The following ANKRD18A variants were observed in gnomAD, a reference collection of about 807,000 sequenced individuals.
The protein encoded by ANKRD18A is ankyrin repeat domain-containing protein 18A.
A neutral mutation model predicts 110.6 loss-of-function variants in ANKRD18A; 72 were observed. The observed-to-expected ratio is 0.65, with a 90% CI of 0.54 to 0.79. ANKRD18A has a LOEUF of 0.79. Among genes scored for constraint, ANKRD18A ranks in the 30% least tolerant of loss-of-function variants. The probability of loss-of-function intolerance (pLI) is 0.00; values close to 1 mark genes in which losing one functional copy is unlikely to be tolerated. For synonymous variants in ANKRD18A, 305 were observed against 410.3 expected (o/e 0.74, Z 3.10); for missense variants, 934 against 1,163.3 (o/e 0.80, Z 2.87).
downstream of ANKRD18A, chr9:38,569,353 C>T (rs1230697653): frequency 1.1e-5 from 11 of 985,000 alleles, no homozygotes; most frequent in East Asian, 1.1e-4. Flanking sequence ...CACCCGATAG[C>T]GACTGTCCCC....
At chr9:38,617,158 C>A (rs1825892014) in intron 1 of ANKRD18A, among the ~76,000 whole-genome samples, 2 of 152,162 alleles carry the variant, frequency 1.3e-5, no homozygotes, top group South Asian at 2.1e-4. Context: ...AAATGGGAAG[C>A]TGGCCGGGCC....
chr9:38,615,637 T>C lies in ANKRD18A; in HGVS notation c.452A>G (p.Glu151Gly), dbSNP rs187518165. 2.5e-3 allele frequency: 4,092 copies of C among 1,610,738 alleles called. 29 individuals carry two copies. Among genetic ancestry groups the C allele is most frequent in the Non-Finnish European group, 1.8e-3 (2,162 of 1,179,204 alleles). ...AVYNKGTSLA[E>G]RLLSHHANIE... is the part of the protein sequence containing the mutation. ...ATTTGCATGGTGGGAAAGCAGTCTT[T>C]CTGCCAGTGAAGTCCCCTTATTATA... Residue 151 changes from glutamate (E) to glycine (G), a missense_variant, in exon 3 of 16, where the codon GAA (glutamate) becomes GGA (glycine). By Grantham distance (98) the Glu-to-Gly change is moderately conservative (BLOSUM62 -2). This residue lies in a region of ANKRD18A where 630 missense variants were observed against 797.5 expected (regional missense o/e 0.79). Transcript: ENST00000399703.
At chr9:38,590,847 TATTG>T (rs1214133862) in intron 10 of ANKRD18A, among the ~76,000 whole-genome samples, 1 of 152,164 alleles carries the variant, frequency 6.6e-6, no homozygotes, top group Non-Finnish European at 1.5e-5. Flanking sequence ...AGTTAGAGGC[TATTG>T]ATTGAGATGG....
chr9:38,595,452 C>G, intron 9 of ANKRD18A, 34 bp downstream of exon 9: 1 of 1,415,138 alleles, frequency 7.1e-7, no homozygotes, highest in Non-Finnish European at 9.3e-7. Context: ...TTTAAATTTT[C>G]TTTCCAGAAG....
At chr9:38,590,746 G>A (rs145325595) in intron 10 of ANKRD18A, among the ~76,000 whole-genome samples, 1,834 of 152,150 alleles carry the variant, frequency 0.012, 37 homozygotes, top group African/African-American at 0.041. Context: ...CTTCCTGATC[G>A]AGATTCTTCA....
chr9:38,594,702 A>AAAAT (rs1387447841), intron 9 of ANKRD18A, among the ~76,000 whole-genome samples: 1 of 152,208 alleles, frequency 6.6e-6, no homozygotes, highest in African/African-American at 2.4e-5. Context: ...TACACCAACT[A>AAAAT]AAATACATAT....
chr9:38,588,364 T>TC (rs1440601874), intron 11 of ANKRD18A, among the ~76,000 whole-genome samples, 187 bp downstream of exon 11: 1 of 152,108 alleles, frequency 6.6e-6, no homozygotes, highest in Non-Finnish European at 1.5e-5. Context: ...AGTCCAAGGG[T>TC]CATGGACTCC....
At chr9:38,591,741 T>C (rs1824657861) in intron 10 of ANKRD18A, among the ~76,000 whole-genome samples, 2 of 152,202 alleles carry the variant, frequency 1.3e-5, no homozygotes, top group Non-Finnish European at 2.9e-5. Flanking sequence ...CTCTTCTCTC[T>C]GTGTGACTCA....
chr9:38,592,746 A>G (rs1400969003), intron 10 of ANKRD18A, among the ~76,000 whole-genome samples: 1 of 152,106 alleles, frequency 6.6e-6, no homozygotes, highest in Non-Finnish European at 1.5e-5. Flanking sequence ...TTATTTGACA[A>G]TAAGAAGGAA....
downstream of ANKRD18A, among the ~76,000 whole-genome samples, chr9:38,570,938 G>T (rs1423593113): frequency 1.3e-5 from 2 of 152,216 alleles, no homozygotes; most frequent in Non-Finnish European, 2.9e-5. Context: ...GGAAGGGAGG[G>T]ACATTTGGCA....
chr9:38,610,059 G>A (rs1300425571), intron 5 of ANKRD18A, among the ~76,000 whole-genome samples: 2 of 152,088 alleles, frequency 1.3e-5, no homozygotes, highest in Non-Finnish European at 2.9e-5. Flanking sequence ...AGGGATAAAG[G>A]TCTTTAAAAG....
rs529327338 is a variant in ANKRD18A at position 38,576,945 on chromosome 9, T to C, written c.2741+108A>G. ...ATTTTCCAAAATTACATTATCAAAT[T>C]AGCATTCACTTCCTACTGATCTCCT... On this transcript the variant is annotated intron_variant, in intron 14 of 15. Transcript: ENST00000399703. The C allele has an allele frequency of 5.3e-4, 468 of 880,622 alleles. 2 individuals carry two copies. The African/African-American group carries it at 7.2e-3, about 14-fold the overall frequency. 54.6% of individuals were successfully genotyped at this position (880,622 alleles called of 1,614,324 possible).
chr9:38,618,711 T>C (rs1445407934), intron 1 of ANKRD18A, among the ~76,000 whole-genome samples: 1 of 152,112 alleles, frequency 6.6e-6, no homozygotes, highest in Non-Finnish European at 1.5e-5. Context: ...TTAACTTATC[T>C]TATGAGAAAC....
intron 3 of ANKRD18A, among the ~76,000 whole-genome samples, chr9:38,612,431 T>C (rs548006314): frequency 4.0e-4 from 61 of 151,964 alleles, no homozygotes; most frequent in African/African-American, 1.4e-3. Flanking sequence ...AAAAATACAA[T>C]GGCTTATCAA....
At position 38,571,423 on chromosome 9, in the gene ANKRD18A, C is replaced by T. The variant is rs1039555282; in HGVS notation, c.*622G>A. 2.6e-5 allele frequency: 16 copies of T among 608,798 alleles called. No homozygotes were observed. The African/African-American group carries it at 2.9e-4, about 11-fold the overall frequency. The allele number at this position is 608,798 out of a possible 1,614,324, so 37.7% of individuals were successfully genotyped here. On this transcript the variant is annotated 3_prime_UTR_variant, in exon 16 of 16. Coordinates refer to ENST00000399703, the MANE Select transcript of ANKRD18A (RefSeq NM_147195.4). ...AGAACAAAGAAGAAAATAAGAAAAA[C>T]AATCATCTGGCAACCATCACAGTAA...
chr9:38,609,041 G>A (rs1825482677), intron 5 of ANKRD18A, among the ~76,000 whole-genome samples: 1 of 152,312 alleles, frequency 6.6e-6, no homozygotes, highest in South Asian at 2.1e-4. Flanking sequence ...GCTAAGCCTA[G>A]CCAAAAGGTG....
intron 5 of ANKRD18A, among the ~76,000 whole-genome samples, chr9:38,608,718 TATATA>T (rs1235082056): frequency 1.4e-5 from 2 of 147,070 alleles, no homozygotes; most frequent in Non-Finnish European, 3.0e-5. Context: ...ATATAATAAT[TATATA>T]ATATATAGAT....
intron 6 of ANKRD18A, among the ~76,000 whole-genome samples, chr9:38,603,660 C>G (rs1468560056): frequency 2.0e-5 from 3 of 151,924 alleles, no homozygotes; most frequent in African/African-American, 7.3e-5. Flanking sequence ...GAGAGAGAGA[C>G]CACATGGCCT....
chr9:38,592,360 G>A (rs1328996548), intron 10 of ANKRD18A, among the ~76,000 whole-genome samples: 3 of 152,170 alleles, frequency 2.0e-5, no homozygotes, highest in African/African-American at 7.2e-5. Context: ...CATTAAAAAT[G>A]AAAAGCCATG....
Sources: allele counts gnomAD v4.1 joint callset (sites outside exome capture counted in the v4.1 genomes callset), GRCh38; gene constraint gnomAD v4.1.1; regional missense constraint gnomAD v4.1.1; transcripts MANE v1.5; gene names NCBI Gene and HGNC (gene_info 2026-07-23, HGNC 2026-07-21).